The following LSP1 variants were observed in gnomAD, a reference collection of about 807,000 sequenced individuals.
LSP1 encodes the protein lymphocyte specific protein 1.
LSP1 carries 32 observed loss-of-function variants against 49.3 expected under a neutral mutation model. That is an observed-to-expected ratio of 0.65 (90% CI 0.49 to 0.87). The LOEUF (loss-of-function observed/expected upper bound fraction) is 0.87, where lower values mean the gene tolerates loss of function less well. Ranked by LOEUF, LSP1 falls within the 40% of genes least tolerant of loss-of-function variation. The pLI, the probability that LSP1 is intolerant of heterozygous loss-of-function variation, is 0.00. For synonymous variants in LSP1, 179 were observed against 178.8 expected, an observed-to-expected ratio of 1.00 and a Z score of -0.01; for missense variants, 428 against 442.6, an observed-to-expected ratio of 0.97 and a Z score of 0.30.
intron 10 of LSP1, chr11:1,890,577 A>T: frequency 1.4e-6 from 1 of 708,218 alleles, no homozygotes; most frequent in Non-Finnish European, 2.6e-6. Context: ...CGCAGCCGAT[A>T]TGAGCATGAC....
chr11:1,853,504 G>A (rs1000726002), intron 1 of LSP1, among the ~76,000 whole-genome samples: 2 of 152,254 alleles, frequency 1.3e-5, no homozygotes, highest in Non-Finnish European at 2.9e-5. Context: ...CCCAAGACGT[G>A]TCCTGGACTG....
intron 1 of LSP1, among the ~76,000 whole-genome samples, chr11:1,871,671 C>A (rs926117212): frequency 2.6e-5 from 4 of 152,228 alleles, no homozygotes; most frequent in African/African-American, 9.6e-5. Flanking sequence ...TGCACGGGCA[C>A]CCCTCCTGTT....
chr11:1,870,184 A>C, intron 1 of LSP1: 1 of 963,550 alleles, frequency 1.0e-6, no homozygotes, highest in Non-Finnish European at 1.5e-6. Flanking sequence ...ACTTGACCTC[A>C]GCCATGAGGA....
intron 1 of LSP1, chr11:1,866,914 G>A: frequency 6.6e-7 from 1 of 1,505,634 alleles, no homozygotes; most frequent in Non-Finnish European, 8.9e-7. Flanking sequence ...AGCCCCAGGT[G>A]AGCAAGCCGC....
At chr11:1,857,425 G>A (rs980891961) in intron 1 of LSP1, among the ~76,000 whole-genome samples, 1 of 152,196 alleles carries the variant, frequency 6.6e-6, no homozygotes, top group South Asian at 2.1e-4. Flanking sequence ...CCCTGAGAAC[G>A]TGCCAGAGGG....
At chr11:1,875,724 CG>C (rs1035303581) in intron 1 of LSP1, among the ~76,000 whole-genome samples, 6 of 152,206 alleles carry the variant, frequency 3.9e-5, no homozygotes, top group Non-Finnish European at 7.4e-5. Flanking sequence ...CTAGAGGCCC[CG>C]GGGGGGAGGC....
intron 1 of LSP1, among the ~76,000 whole-genome samples, chr11:1,855,073 G>T (rs374632252): frequency 6.9e-4 from 105 of 152,272 alleles, no homozygotes; most frequent in African/African-American, 2.5e-3. Context: ...GGTTCTCCTG[G>T]GCTCTGCAAA....
At position 1,870,904 on chromosome 11, in the gene LSP1, C is replaced by T. The variant is rs1422738365; in HGVS notation, c.54-9183C>T. The T allele has an allele frequency of 3.0e-6, 3 of 985,774 alleles. No homozygotes were observed. In the African/African-American group the frequency reaches 5.2e-5, roughly 17 times the overall value. 61.1% of individuals were successfully genotyped at this position (985,774 alleles called of 1,614,324 possible). A position where few individuals can be genotyped will look rare whatever the true frequency, so the allele number is the denominator to read the frequency against. On this transcript the variant is annotated intron_variant, in intron 1 of 10. Coordinates refer to ENST00000311604, the MANE Select transcript of LSP1 (RefSeq NM_002339.3). ...CTCTGCCAGGGCAGTCCCAGCTGGC[C>T]CAGGCGCCGCAGCGCTCCCGAGGGC...
At chr11:1,860,502 C>A (rs1355238784) in intron 1 of LSP1, among the ~76,000 whole-genome samples, 1 of 151,440 alleles carries the variant, frequency 6.6e-6, no homozygotes, top group Non-Finnish European at 1.5e-5. Context: ...AGCAGATGAA[C>A]AAAAAATAGA....
At chr11:1,859,866 A>G (rs548143632) in intron 1 of LSP1, among the ~76,000 whole-genome samples, 1 of 152,112 alleles carries the variant, frequency 6.6e-6, no homozygotes, top group East Asian at 1.9e-4. Context: ...AATCACAGAC[A>G]TTTATCCACC....
At chr11:1,873,247 C>T (rs916098803) in intron 1 of LSP1, among the ~76,000 whole-genome samples, 8 of 152,016 alleles carry the variant, frequency 5.3e-5, no homozygotes, top group East Asian at 3.9e-4. Flanking sequence ...GCTAGGCATA[C>T]GCACGGCCAC....
intron 1 of LSP1, among the ~76,000 whole-genome samples, chr11:1,872,308 C>G (rs191693103): frequency 0.076 from 4,308 of 57,000 alleles, 804 homozygotes; most frequent in African/African-American, 0.13. Context: ...GACGGGGTCT[C>G]TGTGGTGGGC....
chr11:1,882,437 A>G (rs1848582435), intron 3 of LSP1, among the ~76,000 whole-genome samples: 1 of 152,022 alleles, frequency 6.6e-6, no homozygotes, highest in South Asian at 2.1e-4. Flanking sequence ...TTGTCCTCCT[A>G]CAACCAGGCT....
At chr11:1,882,910 G>A (rs981627462) in intron 3 of LSP1, among the ~76,000 whole-genome samples, 5 of 152,194 alleles carry the variant, frequency 3.3e-5, no homozygotes, top group African/African-American at 1.2e-4. Flanking sequence ...CTCCCCCGCA[G>A]CCGGCAGCCC....
chr11:1,877,205 C>A (rs1195503373), intron 1 of LSP1, among the ~76,000 whole-genome samples: 4 of 152,162 alleles, frequency 2.6e-5, no homozygotes, highest in Non-Finnish European at 4.4e-5. Context: ...AGCTGCCCCC[C>A]TTTCAGTTCC....
In LSP1 at chr11:1,883,524, C is replaced by T. The variant is rs1848634974; in HGVS notation, c.462C>T (p.Asn154=). 1 of 1,613,460 alleles carries T rather than the reference C, an allele frequency of 6.2e-7. No individual in the cohort carries two copies. Among genetic ancestry groups the T allele is most frequent in the South Asian group, 1.1e-5 (1 of 91,068 alleles). ...GCCCAGAGGACACTGTCCAGGACAA[C>T]CTGGGGGCCGCAGGGGCTGAGGAGG... is the stretch of plus-strand genomic sequence containing the variant. ...GPGPEDTVQD[N]LGAAGAEEEQ... The change falls in exon 4 of 11, where the codon AAC becomes AAT. Residue 154 remains asparagine (N), a synonymous_variant. Coordinates refer to ENST00000311604, the MANE Select transcript of LSP1 (RefSeq NM_002339.3).
chr11:1,871,472 G>A (rs1473164704), intron 1 of LSP1: 1 of 986,460 alleles, frequency 1.0e-6, no homozygotes, highest in Non-Finnish European at 1.2e-6. Flanking sequence ...AGCCGGTTCT[G>A]GACCCTGCTC....
intron 1 of LSP1, chr11:1,865,346 C>A: frequency 3.4e-6 from 2 of 587,672 alleles, no homozygotes; most frequent in African/African-American, 2.0e-5. Flanking sequence ...GCCACTGGGC[C>A]TCCCCCCAGC....
At chr11:1,865,609 C>T (rs1373132663) in intron 1 of LSP1, among the ~76,000 whole-genome samples, 2 of 139,924 alleles carry the variant, frequency 1.4e-5, no homozygotes, top group Non-Finnish European at 3.1e-5. Context: ...TGCACTGTCA[C>T]CCATTCACAC....
Sources: allele counts gnomAD v4.1 joint callset (sites outside exome capture counted in the v4.1 genomes callset), GRCh38; gene constraint gnomAD v4.1.1; transcripts MANE v1.5; gene names NCBI Gene and HGNC (gene_info 2026-07-23, HGNC 2026-07-21).